Variants in BBS9 observed in about 807,000 individuals in gnomAD.
BBS9 encodes the protein protein PTHB1.
BBS9 carries 89 observed loss-of-function variants against 117.7 expected under a neutral mutation model. The ratio of observed to expected loss-of-function variants is 0.76; its 90% CI spans 0.64 to 0.90. BBS9 has a LOEUF of 0.90. BBS9 is among the 40% of genes least tolerant of loss of function. The pLI, the probability that BBS9 is intolerant of heterozygous loss-of-function variation, is 0.00. For missense variants in BBS9, 982 were observed against 1,042.2 expected (o/e 0.94, Z 0.80); for synonymous variants, 379 against 370.9 (o/e 1.02, Z -0.25).
At chr7:33,152,325 T>A (rs1479114370) in intron 2 of BBS9, among the ~76,000 whole-genome samples, 1 of 152,168 alleles carries the variant, frequency 6.6e-6, no homozygotes, top group Admixed American at 6.5e-5. Context: ...ATACAGTGTT[T>A]TCGACAGCCA....
chr7:33,582,456 A>C lies in BBS9; in HGVS notation c.2522-22409A>C, dbSNP rs548673007. On this transcript the variant is annotated intron_variant, in intron 21 of 22. Transcript: ENST00000242067. ...TCCAAAAAGCTAAACAGAACCACTTAAGGCTTTTAAGTACAAGGATGATAT... is the reference window on the plus strand; with the variant it reads ...TCCAAAAAGCTAAACAGAACCACTTCAGGCTTTTAAGTACAAGGATGATAT... Among the ~76,000 whole-genome samples the C allele has an allele frequency of 2.6e-4, 40 of 152,120 alleles. 1 individual carries two copies. The South Asian group carries it at 7.9e-3, about 30-fold the overall frequency.
chr7:33,223,478 A>G (rs761847760), intron 5 of BBS9, among the ~76,000 whole-genome samples: 17 of 152,106 alleles, frequency 1.1e-4, no homozygotes, highest in Non-Finnish European at 2.2e-4. Context: ...TGCACAACAC[A>G]CTTTTCCTCA....
intron 17 of BBS9, among the ~76,000 whole-genome samples, chr7:33,368,780 A>C (rs1822303666): frequency 6.6e-6 from 1 of 152,152 alleles, no homozygotes; most frequent in African/African-American, 2.4e-5. Context: ...TTGAAAAAGA[A>C]AAGTATTAGC....
chr7:33,591,418 GTGTGAACTAAA>G (rs1861901236), intron 21 of BBS9, among the ~76,000 whole-genome samples: 1 of 152,024 alleles, frequency 6.6e-6, no homozygotes, highest in African/African-American at 2.4e-5. Flanking sequence ...TAGAGATGAG[GTGTGAACTAAA>G]TGATTCTTTG....
At chr7:33,595,583 G>A (rs915847525) in intron 21 of BBS9, among the ~76,000 whole-genome samples, 14 of 152,110 alleles carry the variant, frequency 9.2e-5, no homozygotes, top group African/African-American at 1.9e-4. Flanking sequence ...TTACACTGTC[G>A]GTGGGAATGT....
intron 21 of BBS9, among the ~76,000 whole-genome samples, chr7:33,539,687 C>G: frequency 6.6e-6 from 1 of 152,188 alleles, no homozygotes; most frequent in Admixed American, 6.5e-5. Context: ...TCATCAGAAA[C>G]ATCTATCATG....
intron 2 of BBS9, 103 bp downstream of exon 2, chr7:33,146,467 C>G: frequency 1.1e-6 from 1 of 912,636 alleles, no homozygotes; most frequent in Non-Finnish European, 1.8e-6. Flanking sequence ...TTTGGGAGGC[C>G]GACGTGGGCA....
chr7:33,482,771 C>T (rs1263125267), intron 19 of BBS9, among the ~76,000 whole-genome samples: 2 of 152,104 alleles, frequency 1.3e-5, no homozygotes, highest in African/African-American at 4.8e-5. Flanking sequence ...ATTGGTGCTT[C>T]AGTGATTTTC....
At chr7:33,151,540 G>C (rs1233667482) in intron 2 of BBS9, among the ~76,000 whole-genome samples, 1 of 149,002 alleles carries the variant, frequency 6.7e-6, no homozygotes, top group African/African-American at 2.4e-5. Context: ...CTCTCTCATA[G>C]GGTTATTATG....
intron 21 of BBS9, among the ~76,000 whole-genome samples, chr7:33,565,781 G>GTGTA (rs1491174064): frequency 3.0e-5 from 2 of 65,668 alleles, no homozygotes; most frequent in Non-Finnish European, 6.3e-5. Context: ...GCTATCAGTA[G>GTGTA]TATATATATA....
rs79574762 is a variant in BBS9 at position 33,341,774 on chromosome 7, T to C, written c.1275+801T>C. ...TTTGCTCTATGAATAAGTGAATTAA[T>C]ACAACTGAGAAATAGAAAGGATGAA... On this transcript the variant is annotated intron_variant, in intron 11 of 22. Transcript: ENST00000242067. 6.8e-4 allele frequency among the ~76,000 whole-genome samples: 103 copies of C among 152,240 alleles called. No individual in the cohort carries two copies. The East Asian group carries it at 0.012, about 17-fold the overall frequency.
Position 33,387,706 on chromosome 7 carries a change from A to G in BBS9, c.1963-286A>G, listed in dbSNP as rs539326441. On this transcript the variant is annotated intron_variant, in intron 18 of 22. Coordinates refer to ENST00000242067, the MANE Select transcript of BBS9 (RefSeq NM_198428.3). ...CTGTAAAGAATGAGAAAAGATTTCT[A>G]TTTTTTCCCATGTAACCAATTATTG... Among the ~76,000 whole-genome samples, 8 of 152,108 alleles carry G rather than the reference A, an allele frequency of 5.3e-5. No homozygotes were observed. The South Asian group carries it at 1.7e-3, about 32-fold the overall frequency.
intron 6 of BBS9, among the ~76,000 whole-genome samples, chr7:33,260,841 G>A (rs973249896): frequency 1.3e-5 from 2 of 152,180 alleles, no homozygotes; most frequent in Admixed American, 1.3e-4. Flanking sequence ...TACCTGCCAT[G>A]GGTGTTATTT....
At chr7:33,489,660 T>C (rs1843636797) in intron 19 of BBS9, among the ~76,000 whole-genome samples, 1 of 152,166 alleles carries the variant, frequency 6.6e-6, no homozygotes, top group East Asian at 1.9e-4. Context: ...TCATAACTTT[T>C]CTGAAGATTG....
chr7:33,535,735 C>A (rs2129061645), intron 21 of BBS9, among the ~76,000 whole-genome samples: 1 of 152,172 alleles, frequency 6.6e-6, no homozygotes, highest in East Asian at 1.9e-4. Flanking sequence ...CTCTCCCTCC[C>A]TGCTTGCCCA....
chr7:33,455,030 G>A (rs1463031001), intron 19 of BBS9, among the ~76,000 whole-genome samples: 1 of 152,188 alleles, frequency 6.6e-6, no homozygotes, highest in African/African-American at 2.4e-5. Context: ...TTGTAAAGGA[G>A]GAGCAATCCC....
chr7:33,203,017 C>T (rs1252313916), intron 5 of BBS9, among the ~76,000 whole-genome samples: 1 of 152,254 alleles, frequency 6.6e-6, no homozygotes, highest in East Asian at 1.9e-4. Flanking sequence ...AAGGATTTGC[C>T]AAGGGCTCCA....
downstream of BBS9, among the ~76,000 whole-genome samples, chr7:33,610,888 G>T (rs1864820406): frequency 6.6e-6 from 1 of 152,034 alleles, no homozygotes; most frequent in African/African-American, 2.4e-5. Context: ...CGCTGTCTTG[G>T]TTTTGTGGAG....
At chr7:33,576,376 A>G (rs886401512) in intron 21 of BBS9, among the ~76,000 whole-genome samples, 2 of 152,168 alleles carry the variant, frequency 1.3e-5, no homozygotes, top group African/African-American at 2.4e-5. Context: ...TTCAGGGAGA[A>G]CTACAAACCA....
Sources: allele counts gnomAD v4.1 joint callset (sites outside exome capture counted in the v4.1 genomes callset), GRCh38; gene constraint gnomAD v4.1.1; transcripts MANE v1.5; gene names NCBI Gene and HGNC (gene_info 2026-07-23, HGNC 2026-07-21).